CD36: variants seen among roughly 807,000 people sequenced by gnomAD.
CD36 encodes the protein platelet glycoprotein 4.
In CD36, 119 loss-of-function variants were observed where a neutral mutation model predicts 55.2. That is an observed-to-expected ratio of 2.15 (90% CI 1.86 to 2.51). The LOEUF is 2.51. Among genes scored for constraint, CD36 ranks in the 30% most tolerant of loss-of-function variants. The probability of loss-of-function intolerance (pLI) is 0.00; values close to 1 mark genes in which losing one functional copy is unlikely to be tolerated. For synonymous variants in CD36, 186 were observed against 193.6 expected (o/e 0.96, Z 0.33); for missense variants, 819 against 555.5 (o/e 1.47, Z -4.77).
At chr7:80,662,177 A>G (rs1237134326) in intron 5 of CD36, among the ~76,000 whole-genome samples, 2 of 152,180 alleles carry the variant, frequency 1.3e-5, no homozygotes, top group African/African-American at 4.8e-5. Flanking sequence ...ATGGGAAACA[A>G]TCCTTGCTTA....
intron 7 of CD36, among the ~76,000 whole-genome samples, chr7:80,664,844 TGAAAA>T (rs1197996847): frequency 4.0e-5 from 3 of 75,082 alleles, no homozygotes; most frequent in African/African-American, 1.1e-4. Flanking sequence ...TAACCATAAA[TGAAAA>T]GGTAAAAAAA....
rs1246425549 is a variant in CD36, at chr7:80,677,990, T to C, written c.*1607T>C. ...AAAAGGAATATAAGAGGAAAGACAA[T>C]TCATATACAAAGACAACGAGATTAA... On this transcript the variant is annotated 3_prime_UTR_variant, in exon 15 of 15. Transcript: ENST00000447544. The C allele has an allele frequency of 6.6e-6, 1 of 152,124 alleles. No homozygotes were observed. Among genetic ancestry groups the C allele is most frequent in the Admixed American group, 6.6e-5 (1 of 15,266 alleles). The allele number at this position is 152,124 out of a possible 1,614,324, so 9.4% of individuals were successfully genotyped here.
chr7:80,646,555 G>T, intron 2 of CD36, 97 bp from the exon 3 acceptor site: 1 of 672,020 alleles, frequency 1.5e-6, no homozygotes, highest in Admixed American at 2.7e-5. Flanking sequence ...TATTTAGAAC[G>T]GGCAAAATGA....
intron 3 of CD36, among the ~76,000 whole-genome samples, chr7:80,650,144 A>C (rs3211827): frequency 0.29 from 44,084 of 151,612 alleles, 7,219 homozygotes; most frequent in South Asian, 0.44. Flanking sequence ...GAGGTGGTAC[A>C]ACAGAGACTC....
At chr7:80,665,091 T>C (rs936688327) in intron 7 of CD36, among the ~76,000 whole-genome samples, 20 of 152,060 alleles carry the variant, frequency 1.3e-4, no homozygotes, top group Non-Finnish European at 2.8e-4. Context: ...AAAAATAGAA[T>C]GAATATTTCA....
At chr7:80,624,708 G>A (rs940931009) in intron 1 of CD36, among the ~76,000 whole-genome samples, 6 of 151,850 alleles carry the variant, frequency 4.0e-5, no homozygotes, top group Non-Finnish European at 7.4e-5. Context: ...CCTGTCTCCT[G>A]TCTCTACCAA....
intron 8 of CD36, among the ~76,000 whole-genome samples, chr7:80,668,437 T>G (rs1584450731): frequency 6.6e-6 from 1 of 152,196 alleles, no homozygotes; most frequent in African/African-American, 2.4e-5. Context: ...AAGGTTCTAA[T>G]GTGTTTTCAT....
At chr7:80,602,332 C>T (rs1239346188) in exon 1 of CD36, 1 of 152,078 alleles carries the variant, frequency 6.6e-6, no homozygotes, top group Non-Finnish European at 1.5e-5. Flanking sequence ...GACTCTGGAG[C>T]CAGTCTTGAG....
At position 80,607,367 on chromosome 7, in the gene CD36, C is replaced by T. The variant is rs569424160; in HGVS notation, c.-184+4988C>T. On this transcript the variant is annotated intron_variant, in intron 1 of 13. Coordinates refer to the CD36 transcript ENST00000309881. ...TTTTTTTCTGAGGCTTAGGGCTGGA[C>T]GTCTACTTTCAGCTGCTCTGCCAAA... 1.2e-4 allele frequency among the ~76,000 whole-genome samples: 18 copies of T among 152,272 alleles called. No individual in the cohort carries two copies. The East Asian group carries it at 3.1e-3, about 26-fold the overall frequency.
intron 8 of CD36, among the ~76,000 whole-genome samples, chr7:80,667,560 A>G (rs1797210676): frequency 6.6e-6 from 1 of 152,058 alleles, no homozygotes; most frequent in African/African-American, 2.4e-5. Flanking sequence ...CCATAGGAAA[A>G]TGATATAACA....
intron 1 of CD36, among the ~76,000 whole-genome samples, chr7:80,639,052 T>G (rs965655753): frequency 6.6e-6 from 1 of 152,066 alleles, no homozygotes; most frequent in African/African-American, 2.4e-5. Context: ...ACTTTCATTT[T>G]ATACTTAGGC....
rs1798224330 is a variant in CD36, at chr7:80,678,283, A to T, written c.*1900A>T. On this transcript the variant is annotated 3_prime_UTR_variant, in exon 15 of 15. Transcript: ENST00000447544. ...AGTCATAGAAAAATTGTACCCTTTG[A>T]TAGAAGCACATTTTCTTTCCAAAGC... 1 of 152,208 alleles carries T rather than the reference A, an allele frequency of 6.6e-6. No individual in the cohort carries two copies. Among genetic ancestry groups the T allele is most frequent in the African/African-American group, 2.4e-5 (1 of 41,458 alleles). The allele number at this position is 152,208 out of a possible 1,614,324, so 9.4% of individuals were successfully genotyped here. A position where few individuals can be genotyped will look rare whatever the true frequency, so the allele number is the denominator to read the frequency against.
chr7:80,652,874 C>T (rs959018203), intron 3 of CD36, among the ~76,000 whole-genome samples: 1 of 152,078 alleles, frequency 6.6e-6, no homozygotes, highest in Admixed American at 6.6e-5. Flanking sequence ...TAACACTGTT[C>T]TAAGTGTTCA....
Position 80,662,998 on chromosome 7 carries a change from C to A in CD36, c.438C>A (p.Ser146=). The A allele has an allele frequency of 6.2e-7, 1 of 1,611,436 alleles. No individual in the cohort carries two copies. Among genetic ancestry groups the A allele is most frequent in the South Asian group, 1.1e-5 (1 of 90,992 alleles). Residue 146 remains serine, a synonymous_variant, in exon 6 of 15, where the codon TCC becomes TCA. Transcript: ENST00000447544. ...TGACTTTGTTTTTGTAGGCTGCATC[C>A]CATATCTATCAAAATCAATTTGTTC... ...TVLNLAVAAA[S]HIYQNQFVQM...
intron 1 of CD36, among the ~76,000 whole-genome samples, chr7:80,641,399 G>T (rs749512821): frequency 1.3e-5 from 2 of 151,982 alleles, no homozygotes; most frequent in East Asian, 3.9e-4. Context: ...CTATACTCAT[G>T]CAAACCGTTG....
intron 1 of CD36, among the ~76,000 whole-genome samples, chr7:80,629,359 T>C (rs1185841126): frequency 6.6e-6 from 1 of 152,052 alleles, no homozygotes; most frequent in Admixed American, 6.6e-5. Flanking sequence ...TCATTCCCAC[T>C]GCTGTTCAAC....
At chr7:80,606,735 C>T (rs1295628642) in intron 1 of CD36, among the ~76,000 whole-genome samples, 1 of 152,112 alleles carries the variant, frequency 6.6e-6, no homozygotes, top group African/African-American at 2.4e-5. Flanking sequence ...TGTGATTTCT[C>T]CACTTTTCAC....
At position 80,671,994 on chromosome 7, in the gene CD36, T is replaced by TAAACCCAAATGAAGA; in HGVS notation, c.1081_1095dup (p.Asn361_Glu365dup). ...GATGTTTCAGAACCTATTGATGGAT[T>TAAACCCAAATGAAGA]AAACCCAAATGAAGAAGAACATAGG... On this transcript the variant is annotated inframe_insertion, in exon 11 of 15. Transcript: ENST00000447544. The TAAACCCAAATGAAGA allele has an allele frequency of 6.2e-7, 1 of 1,608,760 alleles. No individual in the cohort carries two copies. The highest frequency in any genetic ancestry group is 8.5e-7 in the Non-Finnish European group (1 of 1,175,790).
intron 14 of CD36, among the ~76,000 whole-genome samples, chr7:80,674,663 C>CTA (rs769195644): frequency 3.9e-5 from 6 of 151,976 alleles, no homozygotes; most frequent in Admixed American, 2.6e-4. Context: ...GTTTAGGCCT[C>CTA]TATGCTTTAG....
Sources: allele counts gnomAD v4.1 joint callset (sites outside exome capture counted in the v4.1 genomes callset), GRCh38; gene constraint gnomAD v4.1.1; transcripts MANE v1.5; gene names NCBI Gene and HGNC (gene_info 2026-07-23, HGNC 2026-07-21).